Variants in FBXO27 observed in about 807,000 individuals in gnomAD.
FBXO27 encodes the protein F-box protein 27.
A neutral mutation model predicts 28.3 loss-of-function variants in FBXO27; 28 were observed. That is an observed-to-expected ratio of 0.99 (90% CI 0.73 to 1.36). FBXO27 has a LOEUF of 1.36. Among genes scored for constraint, FBXO27 ranks in the 40% most tolerant of loss-of-function variants. The pLI, the probability that FBXO27 is intolerant of heterozygous loss-of-function variation, is 0.00. For missense variants in FBXO27, 388 were observed against 394.1 expected, an observed-to-expected ratio of 0.98 and a Z score of 0.13; for synonymous variants, 175 against 167.3, an observed-to-expected ratio of 1.05 and a Z score of -0.36.
In FBXO27 at chr19:39,025,885, G is replaced by A. The variant is rs149308047; in HGVS notation, c.709-331C>T. On this transcript the variant is annotated intron_variant, in intron 5 of 5. Coordinates refer to ENST00000292853, the MANE Select transcript of FBXO27 (RefSeq NM_178820.5). The stretch of plus-strand genomic sequence containing the variant: ...CAAAAAATATTAGCTGGGCTTGGTG[G>A]CACGTGCCTGTAGTCCCATCTACTC... Among the ~76,000 whole-genome samples the A allele has an allele frequency of 2.6e-5, 4 of 152,184 alleles. No homozygotes were observed. In the East Asian group the frequency reaches 7.7e-4, roughly 29 times the overall value.
At chr19:39,022,036 TC>T (rs1471308791), downstream of FBXO27, among the ~76,000 whole-genome samples, 2 of 152,106 alleles carry the variant, frequency 1.3e-5, no homozygotes, top group East Asian at 3.9e-4. Flanking sequence ...ATATAATATT[TC>T]CACATCACTT....
chr19:39,029,668 A>G (rs1178129570), intron 4 of FBXO27, among the ~76,000 whole-genome samples: 3 of 152,086 alleles, frequency 2.0e-5, no homozygotes, highest in Non-Finnish European at 2.9e-5. Context: ...GCTGTAGTGG[A>G]CCTGGAATTT....
chr19:39,026,710 G>T (rs539752035), intron 5 of FBXO27, among the ~76,000 whole-genome samples, 160 bp downstream of exon 5: 2 of 152,292 alleles, frequency 1.3e-5, no homozygotes, highest in East Asian at 3.9e-4. Flanking sequence ...CTGACCTTGT[G>T]ATCCGCCTGC....
At chr19:39,029,205 C>A (rs2072889218) in intron 4 of FBXO27, among the ~76,000 whole-genome samples, 2 of 151,638 alleles carry the variant, frequency 1.3e-5, no homozygotes, top group African/African-American at 4.8e-5. Flanking sequence ...GTGGGCAGAT[C>A]ACCTGAGGTC....
At chr19:39,020,677 G>A (rs1291277213), downstream of FBXO27, among the ~76,000 whole-genome samples, 1 of 143,978 alleles carries the variant, frequency 6.9e-6, no homozygotes, top group African/African-American at 2.6e-5. Context: ...AGAAAACTGT[G>A]TCTATATGTT....
intron 4 of FBXO27, among the ~76,000 whole-genome samples, chr19:39,027,783 G>A (rs1015074203): frequency 6.6e-6 from 1 of 151,748 alleles, no homozygotes; most frequent in African/African-American, 2.4e-5. Flanking sequence ...CAAAGTGTTG[G>A]GACTATAGGC....
At chr19:39,030,615 C>G in intron 4 of FBXO27, 1 of 82,462 alleles carries the variant, frequency 1.2e-5, no homozygotes. Flanking sequence ...ACTTCAGTTT[C>G]TTTTCTTTCT....
chr19:39,016,723 T>G (rs1405422665), intron 1 of FBXO27, among the ~76,000 whole-genome samples: 1 of 150,506 alleles, frequency 6.6e-6, no homozygotes. Context: ...AGGTCAAGGA[T>G]GCAGTGAGAT....
chr19:39,007,999 C>G (rs1347233356), intron 2 of FBXO27, among the ~76,000 whole-genome samples: 1 of 152,116 alleles, frequency 6.6e-6, no homozygotes, highest in African/African-American at 2.4e-5. Flanking sequence ...CATGGTGGCT[C>G]ACATCTGTGA....
intron 2 of FBXO27, among the ~76,000 whole-genome samples, chr19:39,012,127 C>G (rs1256795448): frequency 6.6e-6 from 1 of 151,058 alleles, no homozygotes; most frequent in Non-Finnish European, 1.5e-5. Flanking sequence ...GCCACCACGC[C>G]CGGCCGAGCC....
rs11318441 is a variant in FBXO27, at chr19:39,032,299, CG to C, written c.-26-47del. 37,086 of 1,379,134 alleles carry C rather than the reference CG, an allele frequency of 0.027. 5,125 individuals are homozygous for C. The African/African-American group carries it at 0.39, about 14-fold the overall frequency. 85.4% of individuals were successfully genotyped at this position (1,379,134 alleles called of 1,614,324 possible). Reference sequence around the variant, plus strand: ...AGGCGTCAGGGACCAGCAGCCTCCGCGGCGCGCAGCCTCTGCCTGCCCTGAT... The same window carrying C: ...AGGCGTCAGGGACCAGCAGCCTCCGCGCGCGCAGCCTCTGCCTGCCCTGAT... On this transcript the variant is annotated intron_variant, in intron 1 of 5. Coordinates refer to ENST00000292853, the MANE Select transcript of FBXO27 (RefSeq NM_178820.5). The surrounding 1 kb of genome is among the most constrained non-coding windows in gnomAD (Gnocchi z 4.7).
At position 39,032,041 on chromosome 19, in the gene FBXO27, C is replaced by T. The variant is rs201772247; in HGVS notation, c.187G>A (p.Gly63Ser). 2 of 1,529,842 alleles carry T rather than the reference C, an allele frequency of 1.3e-6. No homozygotes were observed. Among genetic ancestry groups the T allele is most frequent in the African/African-American group, 1.4e-5 (1 of 69,632 alleles). 94.8% of individuals were successfully genotyped at this position (1,529,842 alleles called of 1,614,324 possible). Residue 63 changes from glycine (G) to serine (S), a missense_variant, in exon 2 of 6, where the codon GGC (glycine) becomes AGC (serine). By Grantham distance (56) the Gly-to-Ser change is moderately conservative (BLOSUM62 0). Transcript: ENST00000292853. The surrounding 1 kb of genome is among the most constrained non-coding windows in gnomAD (Gnocchi z 4.7). The part of the protein sequence containing the change: ...VCRGWRALVD[G>S]QALWLLILAR... ...AGGATCAGCAGCCACAGGGCCTGGC[C>T]GTCCACCAGGGCTCGCCAGCCCCGG...
intron 2 of FBXO27, among the ~76,000 whole-genome samples, chr19:39,009,676 T>C (rs1217326199): frequency 6.6e-6 from 1 of 152,178 alleles, no homozygotes; most frequent in Non-Finnish European, 1.5e-5. Context: ...AAGAATTCTT[T>C]ATATATTTTG....
At chr19:39,031,747 A>ACTGCGGCCCTGCCC in intron 2 of FBXO27, 117 bp downstream of exon 2, 3 of 1,025,146 alleles carry the variant, frequency 2.9e-6, no homozygotes, top group Non-Finnish European at 3.5e-6. Flanking sequence ...CACCGGTCCC[A>ACTGCGGCCCTGCCC]CTGCGGCCCT....
chr19:39,027,877 A>G (rs2072881698), intron 4 of FBXO27, among the ~76,000 whole-genome samples: 1 of 152,074 alleles, frequency 6.6e-6, no homozygotes, highest in African/African-American at 2.4e-5. Flanking sequence ...GTGACATATC[A>G]TGTCAGAAGC....
rs763073051 is a variant in FBXO27, at chr19:39,026,870, G to A, written c.708C>T (p.His236=). 15 of 1,614,096 alleles carry A rather than the reference G, an allele frequency of 9.3e-6. No individual in the cohort carries two copies. Among genetic ancestry groups the A allele is most frequent in the South Asian group, 3.3e-5 (3 of 91,074 alleles). ...CCCCAAACCCCCATAGGAGACTCAC[G>A]TGAAGGCAGGCATTGTTGTTCCACT... ...IPQWNNNACL[H]VTHVFSNIKM... The change falls in exon 5 of 6, where the codon CAC becomes CAT. Residue 236 remains histidine, a splice_region_variant and synonymous_variant. Transcript: ENST00000292853.
intron 4 of FBXO27, among the ~76,000 whole-genome samples, chr19:39,029,349 T>C (rs4802009): frequency 0.6 from 90,224 of 149,688 alleles, 27,471 homozygotes; most frequent in Middle Eastern, 0.64. Flanking sequence ...ATCACTTGAA[T>C]CTGGGAGGTA....
chr19:39,020,755 C>CCAAAAAAAAAA (rs1491241110), downstream of FBXO27, among the ~76,000 whole-genome samples: 1 of 105,284 alleles, frequency 9.5e-6, no homozygotes, highest in African/African-American at 3.7e-5. Flanking sequence ...GTGGATATGG[C>CCAAAAAAAAAA]AAAAAAAAAA....
At position 39,032,120 on chromosome 19, in the gene FBXO27, C is replaced by T; in HGVS notation, c.108G>A (p.Val36=). The change falls in exon 2 of 6, where the codon GTG becomes GTA. Residue 36 remains valine, a synonymous_variant. Coordinates refer to ENST00000292853, the MANE Select transcript of FBXO27 (RefSeq NM_178820.5). The surrounding 1 kb of genome is among the most constrained non-coding windows in gnomAD (Gnocchi z 4.7). ...TGCGCGGGGGGACGTGGCTCAGCAC[C>T]ACCAGAAGCAGCTCTGGGGGTAGTT... The part of the protein sequence containing the change: ...LSQLPPELLL[V]VLSHVPPRTL... 6.5e-7 allele frequency: 1 copy of T among 1,534,784 alleles called. No individual in the cohort carries two copies. Among genetic ancestry groups the T allele is most frequent in the South Asian group, 1.2e-5 (1 of 80,944 alleles).
Sources: allele counts gnomAD v4.1 joint callset (sites outside exome capture counted in the v4.1 genomes callset), GRCh38; gene constraint gnomAD v4.1.1; non-coding constraint Gnocchi (gnomAD v3.1); transcripts MANE v1.5; gene names NCBI Gene and HGNC (gene_info 2026-07-23, HGNC 2026-07-21).